Variants in FAM227B observed in about 807,000 individuals in gnomAD.
FAM227B encodes the protein family with sequence similarity 227 member B, also known as protein FAM227B.
Under a neutral mutation model 73.8 loss-of-function variants are expected in FAM227B, and 88 were observed. The observed-to-expected ratio is 1.19, with a 90% CI of 1.00 to 1.42. The LOEUF is 1.42. Ranked by LOEUF, FAM227B falls within the 40% of genes most tolerant of loss-of-function variation. The pLI is 0.00. For missense variants in FAM227B, 632 were observed against 590.9 expected (o/e 1.07, Z -0.72); for synonymous variants, 210 against 190.5 (o/e 1.10, Z -0.84).
At chr15:49,561,935 G>C (rs2074294980) in intron 9 of FAM227B, among the ~76,000 whole-genome samples, 1 of 151,822 alleles carries the variant, frequency 6.6e-6, no homozygotes, top group Admixed American at 6.6e-5. Context: ...TACACCTAAA[G>C]GAACTAGAAA....
chr15:49,539,169 A>G (rs1459552143), intron 10 of FAM227B, among the ~76,000 whole-genome samples: 1 of 152,156 alleles, frequency 6.6e-6, no homozygotes, highest in Non-Finnish European at 1.5e-5. Context: ...AGCATGCAAC[A>G]GCTTACATTC....
intron 3 of FAM227B, among the ~76,000 whole-genome samples, chr15:49,593,593 G>A (rs1464314669): frequency 2.0e-5 from 3 of 149,358 alleles, no homozygotes; most frequent in Non-Finnish European, 3.0e-5. Context: ...CTCAACCCCC[G>A]AACCCTTCCC....
chr15:49,337,818 C>T (rs777927662), intron 13 of FAM227B, among the ~76,000 whole-genome samples: 3 of 152,082 alleles, frequency 2.0e-5, no homozygotes, highest in Non-Finnish European at 2.9e-5. Context: ...TGGTTTCCAG[C>T]TTCATCCATG....
At chr15:49,599,041 G>T (rs1218854594) in intron 3 of FAM227B, among the ~76,000 whole-genome samples, 1 of 151,938 alleles carries the variant, frequency 6.6e-6, no homozygotes, top group Non-Finnish European at 1.5e-5. Flanking sequence ...TTCAATGTTT[G>T]GTAGGATTCA....
At chr15:49,520,295 T>C (rs2059688889) in intron 10 of FAM227B, among the ~76,000 whole-genome samples, 1 of 152,214 alleles carries the variant, frequency 6.6e-6, no homozygotes, top group Non-Finnish European at 1.5e-5. Context: ...CACATCTTCC[T>C]GTCTTCTGAG....
At chr15:49,383,190 C>T (rs1470342021) in intron 11 of FAM227B, among the ~76,000 whole-genome samples, 1 of 152,044 alleles carries the variant, frequency 6.6e-6, no homozygotes. Context: ...GTGGAGAAGT[C>T]TACAAAAGAT....
intron 3 of FAM227B, among the ~76,000 whole-genome samples, chr15:49,604,487 G>A (rs2077389578): frequency 6.6e-6 from 1 of 151,648 alleles, no homozygotes; most frequent in Non-Finnish European, 1.5e-5. Context: ...TCTCATCTTT[G>A]ACTTTTGAGA....
At chr15:49,605,617 A>G (rs2077468732) in intron 3 of FAM227B, among the ~76,000 whole-genome samples, 1 of 151,552 alleles carries the variant, frequency 6.6e-6, no homozygotes, top group Non-Finnish European at 1.5e-5. Context: ...GCAGTCCTGG[A>G]GCCTGGGTCC....
chr15:49,411,571 A>G (rs1244178077), intron 11 of FAM227B, among the ~76,000 whole-genome samples: 4 of 152,122 alleles, frequency 2.6e-5, no homozygotes, highest in African/African-American at 9.6e-5. Context: ...CAATCAAGGT[A>G]AAGGATGAGT....
chr15:49,587,939 T>C (rs2076269148), intron 5 of FAM227B, 77 bp downstream of exon 5: 2 of 1,248,652 alleles, frequency 1.6e-6, no homozygotes, highest in East Asian at 3.0e-5. Context: ...TTATTAGTGC[T>C]CATCTGTGGA....
At chr15:49,352,798 C>T (rs575858010) in intron 13 of FAM227B, among the ~76,000 whole-genome samples, 2 of 152,264 alleles carry the variant, frequency 1.3e-5, no homozygotes, top group African/African-American at 4.8e-5. Context: ...TACCCAATCC[C>T]AAGCAGTTCC....
chr15:49,537,333 T>C (rs2070419071), intron 10 of FAM227B, among the ~76,000 whole-genome samples: 1 of 152,042 alleles, frequency 6.6e-6, no homozygotes, highest in African/African-American at 2.4e-5. Flanking sequence ...AGGTGCTCAA[T>C]ATTAATTTTT....
chr15:49,543,341 C>T (rs891203144), intron 9 of FAM227B, among the ~76,000 whole-genome samples: 2 of 152,104 alleles, frequency 1.3e-5, no homozygotes, highest in Non-Finnish European at 2.9e-5. Context: ...CCTTTGCCCA[C>T]TTTTTAATGG....
chr15:49,486,353 T>C (rs1185942518), intron 11 of FAM227B: 3 of 152,002 alleles, frequency 2.0e-5, no homozygotes, highest in African/African-American at 7.2e-5. Context: ...TTCTGAACTA[T>C]CACCTGATTC....
Position 49,588,100 on chromosome 15 carries a change from A to G in FAM227B, c.338-17T>C, listed in dbSNP as rs370598061. 7.3e-7 allele frequency: 1 copy of G among 1,366,790 alleles called. No homozygotes were observed. Among genetic ancestry groups the G allele is most frequent in the Non-Finnish European group, 9.8e-7 (1 of 1,019,604 alleles). The allele number at this position is 1,366,790 out of a possible 1,614,324, so 84.7% of individuals were successfully genotyped here. Reference sequence around the variant, plus strand: ...TATAAGAACCTTTAAGAAAATAAGAATTCACAGTATATATATTATACATAT... The same window carrying G: ...TATAAGAACCTTTAAGAAAATAAGAGTTCACAGTATATATATTATACATAT... On this transcript the variant is annotated splice_polypyrimidine_tract_variant and intron_variant, in intron 4 of 15. Transcript: ENST00000299338.
chr15:49,390,580 A>G (rs760631811), intron 11 of FAM227B, among the ~76,000 whole-genome samples: 1 of 152,060 alleles, frequency 6.6e-6, no homozygotes, highest in Non-Finnish European at 1.5e-5. Context: ...TAGCAAAAGT[A>G]AAAGGTTTTT....
Position 49,562,547 on chromosome 15 carries a change from GA to G in FAM227B, c.747+5697del, listed in dbSNP as rs894026602. On this transcript the variant is annotated intron_variant, in intron 9 of 15. Transcript: ENST00000299338. ...TACCAAAATCTGGAAAAGACAAAAG[GA>G]AAAAAAAAACTGTAGGCCAAGATCC... Among the ~76,000 whole-genome samples, 23 of 144,922 alleles carry G rather than the reference GA, an allele frequency of 1.6e-4. 1 individual carries two copies. The highest frequency in any genetic ancestry group is 9.9e-4 in the East Asian group (5 of 5,034).
intron 11 of FAM227B, among the ~76,000 whole-genome samples, chr15:49,400,388 G>C (rs1251129998): frequency 9.2e-6 from 1 of 109,280 alleles, no homozygotes; most frequent in Non-Finnish European, 1.8e-5. Flanking sequence ...ATGCTCATGG[G>C]TAGGAAGAAT....
intron 5 of FAM227B, among the ~76,000 whole-genome samples, chr15:49,586,538 T>C (rs2076175711): frequency 1.3e-5 from 2 of 151,946 alleles, no homozygotes; most frequent in Admixed American, 6.6e-5. Flanking sequence ...AAATGACAAA[T>C]AGGATCCAAT....
Sources: gnomAD v4.1 joint callset for allele counts (sites outside exome capture counted in the v4.1 genomes callset) on GRCh38, gnomAD v4.1.1 for gene constraint, MANE v1.5 for transcripts, NCBI Gene and HGNC (gene_info 2026-07-23, HGNC 2026-07-21) for gene names.